Variants in RBFOX1 observed in about 807,000 individuals in gnomAD.
RBFOX1 encodes the protein RNA binding fox-1 homolog 1, also known as RNA binding protein fox-1 homolog 1.
RBFOX1 carries 8 observed loss-of-function variants against 57.7 expected under a neutral mutation model. The ratio of observed to expected loss-of-function variants is 0.14; its 90% CI spans 0.08 to 0.25. The LOEUF is 0.25. RBFOX1 is among the 10% of genes least tolerant of loss of function. RBFOX1 has a pLI of 1.00. For missense variants in RBFOX1, 611 were observed against 548.5 expected, an observed-to-expected ratio of 1.11 and a Z score of -1.14; for synonymous variants, 326 against 222.4, an observed-to-expected ratio of 1.47 and a Z score of -4.15.
intron 3 of RBFOX1, among the ~76,000 whole-genome samples, chr16:6,745,166 A>T (rs978375709): frequency 6.6e-6 from 1 of 152,156 alleles, no homozygotes; most frequent in Non-Finnish European, 1.5e-5. Context: ...GATATATATC[A>T]AATAAATTAA....
chr16:7,106,822 A>T (rs1450989550), intron 4 of RBFOX1, among the ~76,000 whole-genome samples: 3 of 152,106 alleles, frequency 2.0e-5, no homozygotes, highest in Non-Finnish European at 4.4e-5. Flanking sequence ...GGACAGCATT[A>T]AACAGATACA....
Position 6,086,695 on chromosome 16 carries a change from A to C in RBFOX1, c.-127+66703A>C, listed in dbSNP as rs77373054. ...CTCAATAAAAGATGGAGTTTTGAAG[A>C]ATACCTTCTTTTGTGTGGGATGGAA... On this transcript the variant is annotated intron_variant, in intron 1 of 15. Transcript: ENST00000550418. Among the ~76,000 whole-genome samples, 1,028 of 152,278 alleles carry C rather than the reference A, an allele frequency of 6.8e-3. 32 individuals carry two copies. Among genetic ancestry groups the C allele is most frequent in the Admixed American group, 0.042 (641 of 15,298 alleles).
At chr16:6,888,966 A>G (rs2064794947) in intron 3 of RBFOX1, among the ~76,000 whole-genome samples, 1 of 152,208 alleles carries the variant, frequency 6.6e-6, no homozygotes, top group Non-Finnish European at 1.5e-5. Flanking sequence ...GTATGGGCAG[A>G]CACAGCTTTT....
At chr16:7,387,914 G>T (rs4238880) in intron 4 of RBFOX1, among the ~76,000 whole-genome samples, 8 of 151,948 alleles carry the variant, frequency 5.3e-5, no homozygotes, top group African/African-American at 1.7e-4. Flanking sequence ...TTCCACTTTC[G>T]CCTTTATTTT....
intron 2 of RBFOX1, among the ~76,000 whole-genome samples, chr16:6,633,119 A>G (rs1476173726): frequency 6.6e-6 from 1 of 152,200 alleles, no homozygotes; most frequent in East Asian, 1.9e-4. Flanking sequence ...GATTGTGCCC[A>G]CTTCACAGAT....
At chr16:6,030,465 A>T (rs979874809) in intron 1 of RBFOX1, among the ~76,000 whole-genome samples, 2 of 151,848 alleles carry the variant, frequency 1.3e-5, no homozygotes, top group Admixed American at 6.6e-5. Context: ...CTCACTTTTG[A>T]CTCAGTTTTA....
intron 2 of RBFOX1, among the ~76,000 whole-genome samples, chr16:6,551,700 G>T (rs1032956898): frequency 1.3e-5 from 2 of 152,124 alleles, no homozygotes; most frequent in Non-Finnish European, 2.9e-5. Flanking sequence ...TAAAAGATTA[G>T]AGCCAAAATG....
chr16:7,099,207 C>A (rs970476716), intron 4 of RBFOX1, among the ~76,000 whole-genome samples: 1 of 152,132 alleles, frequency 6.6e-6, no homozygotes, highest in African/African-American at 2.4e-5. Context: ...CAAACAATGT[C>A]TTCTGCATAC....
At chr16:7,146,008 C>T (rs2074895600) in intron 4 of RBFOX1, among the ~76,000 whole-genome samples, 2 of 152,224 alleles carry the variant, frequency 1.3e-5, no homozygotes, top group Admixed American at 6.5e-5. Flanking sequence ...AGTTTGATGA[C>T]TGGCTAGGGG....
At chr16:6,518,772 CATCT>C (rs1421630572) in intron 2 of RBFOX1, among the ~76,000 whole-genome samples, 6 of 144,358 alleles carry the variant, frequency 4.2e-5, no homozygotes, top group Admixed American at 6.9e-5. Flanking sequence ...TCTATCTATC[CATCT>C]GTCTGTCTGT....
intron 1 of RBFOX1, among the ~76,000 whole-genome samples, chr16:6,118,235 C>G (rs1338284128): frequency 6.6e-6 from 1 of 152,184 alleles, no homozygotes; most frequent in Non-Finnish European, 1.5e-5. Context: ...TTTTTCTCTT[C>G]CAGGATCCAA....
At chr16:6,967,999 A>G (rs1260687709) in intron 3 of RBFOX1, among the ~76,000 whole-genome samples, 1 of 152,158 alleles carries the variant, frequency 6.6e-6, no homozygotes, top group Non-Finnish European at 1.5e-5. Context: ...GACAGCGGGA[A>G]GGTGCTGCCT....
intron 2 of RBFOX1, among the ~76,000 whole-genome samples, chr16:6,529,911 C>T (rs184595216): frequency 6.6e-6 from 1 of 152,244 alleles, no homozygotes; most frequent in African/African-American, 2.4e-5. Context: ...TCACTGCTCC[C>T]AAATTCAGAA....
intron 4 of RBFOX1, among the ~76,000 whole-genome samples, chr16:5,958,251 G>A (rs748508487): frequency 1.3e-5 from 2 of 152,204 alleles, no homozygotes; most frequent in Non-Finnish European, 1.5e-5. Flanking sequence ...CTGCTTTAAT[G>A]AGTACATGAG....
chr16:6,420,118 G>A (rs1485107659), intron 2 of RBFOX1, among the ~76,000 whole-genome samples: 1 of 152,082 alleles, frequency 6.6e-6, no homozygotes, highest in Non-Finnish European at 1.5e-5. Context: ...ACCACATAAA[G>A]CCTCAGTGTC....
intron 3 of RBFOX1, among the ~76,000 whole-genome samples, chr16:6,792,191 T>A (rs1054326602): frequency 6.6e-6 from 1 of 152,120 alleles, no homozygotes; most frequent in Non-Finnish European, 1.5e-5. Flanking sequence ...GTAGTTAAGG[T>A]GAGTAATAAC....
intron 2 of RBFOX1, among the ~76,000 whole-genome samples, chr16:6,390,767 T>C (rs2092560999): frequency 6.6e-6 from 1 of 152,074 alleles, no homozygotes; most frequent in Non-Finnish European, 1.5e-5. Context: ...AGGGGGTTAG[T>C]TTTGAGCAGG....
chr16:5,406,472 C>T (rs2066870650), intron 1 of RBFOX1, among the ~76,000 whole-genome samples: 1 of 152,048 alleles, frequency 6.6e-6, no homozygotes. Context: ...TCTGGGTTTC[C>T]AGTTTGTGGA....
At chr16:6,578,612 T>TGTGTGTGTGTGTGTGTGTGTGTGTGTGTG (rs373655762) in intron 2 of RBFOX1, among the ~76,000 whole-genome samples, 4 of 147,000 alleles carry the variant, frequency 2.7e-5, no homozygotes, top group African/African-American at 7.4e-5. Context: ...TGTGTGTGTG[T>TGTGTGTGTGTGTGTGTGTGTGTGTGTGTG]GAGCATGGGA....
Sources: gnomAD v4.1 joint callset for allele counts (sites outside exome capture counted in the v4.1 genomes callset) on GRCh38, gnomAD v4.1.1 for gene constraint, MANE v1.5 for transcripts, NCBI Gene and HGNC (gene_info 2026-07-23, HGNC 2026-07-21) for gene names.